Variants in RBFOX1 observed in about 807,000 individuals in gnomAD.
RBFOX1 encodes RNA binding protein fox-1 homolog 1.
Under a neutral mutation model 57.7 loss-of-function variants are expected in RBFOX1, and 8 were observed. The observed-to-expected ratio is 0.14, with a 90% CI of 0.08 to 0.25. The LOEUF (loss-of-function observed/expected upper bound fraction) is 0.25, where lower values mean the gene tolerates loss of function less well. Ranked by LOEUF, RBFOX1 falls within the 10% of genes least tolerant of loss-of-function variation. The pLI is 1.00. For missense variants in RBFOX1, 611 were observed against 548.5 expected (o/e 1.11, Z -1.14); for synonymous variants, 326 against 222.4 (o/e 1.47, Z -4.15).
chr16:6,064,961 T>G (rs1217450809), intron 1 of RBFOX1, among the ~76,000 whole-genome samples: 1 of 151,750 alleles, frequency 6.6e-6, no homozygotes, highest in Admixed American at 6.6e-5. Flanking sequence ...TATCTGTAAT[T>G]AAAAATTAAA....
chr16:7,399,674 G>C (rs4338818), intron 4 of RBFOX1, among the ~76,000 whole-genome samples: 132,924 of 152,024 alleles, frequency 0.87, 58,182 homozygotes, highest in South Asian at 0.93. Flanking sequence ...TGTTCTGTGT[G>C]TCTTCTAAGA....
chr16:6,977,669 G>T (rs1220311909), intron 3 of RBFOX1, among the ~76,000 whole-genome samples: 1 of 152,138 alleles, frequency 6.6e-6, no homozygotes, highest in Admixed American at 6.5e-5. Context: ...CACTAACCGA[G>T]TGCCAAGCAC....
chr16:5,831,740 C>T (rs1166903927), intron 3 of RBFOX1, among the ~76,000 whole-genome samples: 1 of 151,988 alleles, frequency 6.6e-6, no homozygotes, highest in Non-Finnish European at 1.5e-5. Context: ...TAGCCTAAAC[C>T]TCTTTTCTTT....
At chr16:7,644,009 A>G (rs2063295642) in intron 11 of RBFOX1, among the ~76,000 whole-genome samples, 1 of 152,166 alleles carries the variant, frequency 6.6e-6, no homozygotes, top group Non-Finnish European at 1.5e-5. Context: ...GTATGGATAT[A>G]GGGAGATGAT....
At chr16:7,133,734 G>T (rs918177458) in intron 4 of RBFOX1, among the ~76,000 whole-genome samples, 1 of 151,904 alleles carries the variant, frequency 6.6e-6, no homozygotes, top group South Asian at 2.1e-4. Flanking sequence ...AGTTTCTTTA[G>T]ACGTAGAATA....
chr16:5,917,734 C>G (rs9937605), intron 4 of RBFOX1, among the ~76,000 whole-genome samples: 9,327 of 152,250 alleles, frequency 0.061, 999 homozygotes, highest in African/African-American at 0.21. Flanking sequence ...CCTTGCTTCA[C>G]CACGTGATCC....
chr16:5,705,761 C>T (rs1016332517), intron 3 of RBFOX1, among the ~76,000 whole-genome samples: 1 of 152,188 alleles, frequency 6.6e-6, no homozygotes, highest in African/African-American at 2.4e-5. Flanking sequence ...AACAAGATCA[C>T]TCTGTCATTC....
intron 14 of RBFOX1, among the ~76,000 whole-genome samples, chr16:7,707,920 G>C (rs1029655726): frequency 1.3e-5 from 2 of 152,162 alleles, no homozygotes; most frequent in African/African-American, 4.8e-5. Context: ...CAGCTTTCAA[G>C]GAAGGACGTC....
chr16:6,859,175 G>GTATATATATGTA (rs60799915), intron 3 of RBFOX1, among the ~76,000 whole-genome samples: 1 of 66,550 alleles, frequency 1.5e-5, no homozygotes, highest in African/African-American at 7.9e-5. Flanking sequence ...GTATATATAT[G>GTATATATATGTA]TATATATATG....
In RBFOX1 at chr16:7,151,694, A is replaced by G. The variant is rs565840117; in HGVS notation, c.27+99596A>G. Reference sequence around the variant, plus strand: ...TTGTAATATATAATGAAATAATTACACAACTCACCATAATGTAGAATCAGT... The same window carrying G: ...TTGTAATATATAATGAAATAATTACGCAACTCACCATAATGTAGAATCAGT... On this transcript the variant is annotated intron_variant, in intron 4 of 15. Transcript: ENST00000550418. Among the ~76,000 whole-genome samples the G allele has an allele frequency of 1.6e-3, 244 of 152,258 alleles. 1 individual carries two copies. Among genetic ancestry groups the G allele is most frequent in the African/African-American group, 5.6e-3 (233 of 41,540 alleles).
At chr16:5,835,908 G>T (rs1416474724) in intron 3 of RBFOX1, among the ~76,000 whole-genome samples, 1 of 152,144 alleles carries the variant, frequency 6.6e-6, no homozygotes, top group Admixed American at 6.5e-5. Flanking sequence ...GCCTGGCCTT[G>T]CTCCTTGCAC....
chr16:6,848,129 G>C (rs1317440362), intron 3 of RBFOX1, among the ~76,000 whole-genome samples: 2 of 151,954 alleles, frequency 1.3e-5, no homozygotes, highest in African/African-American at 2.4e-5. Context: ...CATTGTGCCC[G>C]ATCCAAGACT....
chr16:7,572,636 G>A (rs557488192), intron 5 of RBFOX1, among the ~76,000 whole-genome samples: 2 of 152,152 alleles, frequency 1.3e-5, no homozygotes, highest in African/African-American at 2.4e-5. Flanking sequence ...TCAGGAGATC[G>A]AGACCATCCT....
chr16:7,020,602 C>T (rs1442996267), intron 3 of RBFOX1, among the ~76,000 whole-genome samples: 1 of 152,104 alleles, frequency 6.6e-6, no homozygotes, highest in Non-Finnish European at 1.5e-5. Flanking sequence ...TTTATCAAAG[C>T]AACCAGAAGA....
intron 3 of RBFOX1, among the ~76,000 whole-genome samples, chr16:5,623,216 G>T (rs12448704): frequency 0.15 from 23,472 of 152,112 alleles, 2,244 homozygotes; most frequent in East Asian, 0.32. Context: ...AGAAGAGAAG[G>T]GGTGTGGTAC....
intron 3 of RBFOX1, among the ~76,000 whole-genome samples, chr16:5,816,533 G>A (rs145798422): frequency 1.2e-4 from 19 of 152,266 alleles, no homozygotes; most frequent in African/African-American, 3.9e-4. Context: ...GGCCAGGCAT[G>A]GATCATGCTT....
At chr16:5,775,999 C>T (rs2054135165) in intron 3 of RBFOX1, among the ~76,000 whole-genome samples, 2 of 152,114 alleles carry the variant, frequency 1.3e-5, no homozygotes. Flanking sequence ...TCACCTGGCC[C>T]AGGCTGCAGG....
chr16:5,988,289 A>T (rs531817356), intron 4 of RBFOX1, among the ~76,000 whole-genome samples: 2 of 152,350 alleles, frequency 1.3e-5, no homozygotes, highest in Admixed American at 1.3e-4. Flanking sequence ...ACATAATTAA[A>T]ATAATGAGAG....
intron 2 of RBFOX1, among the ~76,000 whole-genome samples, chr16:6,494,725 C>T (rs367980016): frequency 7.9e-5 from 12 of 152,292 alleles, no homozygotes; most frequent in South Asian, 6.2e-4. Context: ...TTGATTTATG[C>T]ATATTATGGA....
Sources: gnomAD v4.1 joint callset for allele counts (sites outside exome capture counted in the v4.1 genomes callset) on GRCh38, gnomAD v4.1.1 for gene constraint, MANE v1.5 for transcripts, NCBI Gene and HGNC (gene_info 2026-07-23, HGNC 2026-07-21) for gene names.